Variants in DLGAP2 observed in about 807,000 individuals in gnomAD.
DLGAP2 encodes disks large-associated protein 2.
DLGAP2 carries 26 observed loss-of-function variants against 100.3 expected under a neutral mutation model. The observed-to-expected ratio is 0.26, with a 90% CI of 0.19 to 0.36. DLGAP2 has a LOEUF of 0.36. Ranked by LOEUF, DLGAP2 falls within the 10% of genes least tolerant of loss-of-function variation. DLGAP2 has a pLI of 1.00. For missense variants in DLGAP2, 1,858 were observed against 1,453.2 expected (o/e 1.28, Z -4.53); for synonymous variants, 886 against 630.1 (o/e 1.41, Z -6.08).
At chr8:1,183,592 G>C (rs968444004) in intron 2 of DLGAP2, among the ~76,000 whole-genome samples, 1 of 152,192 alleles carries the variant, frequency 6.6e-6, no homozygotes, top group Non-Finnish European at 1.5e-5. Context: ...TGCTGCCCGG[G>C]GCCACAGAGG....
intron 5 of DLGAP2, among the ~76,000 whole-genome samples, chr8:1,559,432 G>C (rs751281342): frequency 1.3e-5 from 2 of 152,138 alleles, no homozygotes; most frequent in Non-Finnish European, 2.9e-5. Context: ...TCTTTTGATA[G>C]TCTCCAGACA....
At chr8:1,581,490 C>G in intron 6 of DLGAP2, among the ~76,000 whole-genome samples, 1 of 148,070 alleles carries the variant, frequency 6.8e-6, no homozygotes, top group East Asian at 2.1e-4. Context: ...ACACCACAGT[C>G]AAACTACCAG....
intron 6 of DLGAP2, among the ~76,000 whole-genome samples, chr8:1,580,141 C>G (rs1803168397): frequency 6.6e-6 from 1 of 152,196 alleles, no homozygotes; most frequent in South Asian, 2.1e-4. Flanking sequence ...TCTCAAGACA[C>G]AGGGCAATCA....
intron 6 of DLGAP2, among the ~76,000 whole-genome samples, chr8:1,567,004 T>C (rs190794986): frequency 6.6e-6 from 1 of 152,214 alleles, no homozygotes; most frequent in Non-Finnish European, 1.5e-5. Flanking sequence ...CCACAGAGGG[T>C]GGTCAGTGCC....
chr8:1,230,795 G>A (rs754447085), intron 2 of DLGAP2, among the ~76,000 whole-genome samples: 11 of 152,190 alleles, frequency 7.2e-5, no homozygotes, highest in Non-Finnish European at 1.0e-4. Flanking sequence ...TAGCATAACT[G>A]GCTAGCCTTA....
rs1007341971 is a variant in DLGAP2 at position 1,618,581 on chromosome 8, G to C, written c.1443-8159G>C. On this transcript the variant is annotated intron_variant, in intron 6 of 14. Transcript: ENST00000637795. ...AATGTGTGAAAATGTGAAGAACCTAGAAGTGCCAAGACAGTCTTGATAAAA... is the reference window on the plus strand; with the variant it reads ...AATGTGTGAAAATGTGAAGAACCTACAAGTGCCAAGACAGTCTTGATAAAA... 5.3e-5 allele frequency among the ~76,000 whole-genome samples: 8 copies of C among 152,324 alleles called. No individual in the cohort carries two copies. In the East Asian group the frequency reaches 1.5e-3, roughly 29 times the overall value.
intron 3 of DLGAP2, among the ~76,000 whole-genome samples, chr8:1,500,949 A>G (rs1799700354): frequency 6.6e-6 from 1 of 152,234 alleles, no homozygotes; most frequent in South Asian, 2.1e-4. Flanking sequence ...GACCGGAAGG[A>G]AAGTCTTTCT....
At chr8:1,426,092 G>A (rs192259235) in intron 3 of DLGAP2, among the ~76,000 whole-genome samples, 29 of 152,294 alleles carry the variant, frequency 1.9e-4, no homozygotes, top group Admixed American at 1.3e-3. Flanking sequence ...GGGAGAAAGC[G>A]TCAGGGTAGG....
At chr8:1,593,884 A>G (rs1339265568) in intron 6 of DLGAP2, among the ~76,000 whole-genome samples, 6 of 152,202 alleles carry the variant, frequency 3.9e-5, no homozygotes, top group Non-Finnish European at 8.8e-5. Context: ...GAGGTGATCC[A>G]TGCATCCCAC....
chr8:1,445,883 G>A (rs958660379), intron 3 of DLGAP2, among the ~76,000 whole-genome samples: 1 of 152,216 alleles, frequency 6.6e-6, no homozygotes. Context: ...CTGCATAAAT[G>A]TCTTCTTTTG....
chr8:885,821 T>C (rs1766275262), intron 1 of DLGAP2, among the ~76,000 whole-genome samples: 1 of 152,252 alleles, frequency 6.6e-6, no homozygotes, highest in Non-Finnish European at 1.5e-5. Flanking sequence ...TGAGAGTGTT[T>C]AACAATCAAT....
At chr8:1,453,641 C>G (rs1484818492) in intron 3 of DLGAP2, among the ~76,000 whole-genome samples, 1 of 152,154 alleles carries the variant, frequency 6.6e-6, no homozygotes, top group Non-Finnish European at 1.5e-5. Flanking sequence ...CAACCTGTGC[C>G]TGCAACACCA....
chr8:802,678 C>T (rs1277343889), intron 1 of DLGAP2, among the ~76,000 whole-genome samples: 4 of 152,072 alleles, frequency 2.6e-5, no homozygotes, highest in Non-Finnish European at 4.4e-5. Context: ...TTCCCTTGAT[C>T]GCCGCCCTGC....
At chr8:1,532,689 A>G (rs1000880947) in intron 4 of DLGAP2, among the ~76,000 whole-genome samples, 10 of 152,238 alleles carry the variant, frequency 6.6e-5, no homozygotes, top group Non-Finnish European at 1.5e-4. Flanking sequence ...AAAACTTTTA[A>G]TTTAATTTAC....
chr8:1,632,681 G>T, intron 7 of DLGAP2, 146 bp from the exon 8 acceptor site: 1 of 713,802 alleles, frequency 1.4e-6, no homozygotes, highest in Non-Finnish European at 2.3e-6. Context: ...AAGCTCAGCC[G>T]ATGCCCATGC....
intron 2 of DLGAP2, among the ~76,000 whole-genome samples, chr8:1,253,279 G>A (rs945833490): frequency 6.6e-6 from 1 of 152,184 alleles, no homozygotes; most frequent in Admixed American, 6.5e-5. Flanking sequence ...TCCTGTGTGT[G>A]CCCTTTCTTC....
intron 2 of DLGAP2, among the ~76,000 whole-genome samples, chr8:947,115 C>T (rs1355942045): frequency 2.6e-5 from 4 of 152,308 alleles, no homozygotes; most frequent in African/African-American, 9.6e-5. Context: ...CCGGGTGCGC[C>T]CGCATCTGCC....
chr8:817,316 C>A (rs1210969579), intron 1 of DLGAP2, among the ~76,000 whole-genome samples: 1 of 152,142 alleles, frequency 6.6e-6, no homozygotes, highest in African/African-American at 2.4e-5. Context: ...CAGAAGTCAT[C>A]ATTGTTTTTT....
chr8:1,292,868 C>G (rs1314058455), intron 3 of DLGAP2, among the ~76,000 whole-genome samples: 2 of 152,274 alleles, frequency 1.3e-5, no homozygotes, highest in South Asian at 2.1e-4. Flanking sequence ...GCTGCCTCCT[C>G]CAGCAACAGT....
Sources: gnomAD v4.1 joint callset for allele counts (sites outside exome capture counted in the v4.1 genomes callset) on GRCh38, gnomAD v4.1.1 for gene constraint, MANE v1.5 for transcripts, NCBI Gene and HGNC (gene_info 2026-07-23, HGNC 2026-07-21) for gene names.